GPC6: variants seen among roughly 807,000 people sequenced by gnomAD.
GPC6 encodes the protein glypican-6.
Under a neutral mutation model 55.2 loss-of-function variants are expected in GPC6, and 14 were observed. The observed-to-expected ratio is 0.25, with a 90% CI of 0.17 to 0.40. The LOEUF is 0.40. GPC6 is among the 10% of genes least tolerant of loss of function. The pLI is 1.00. For missense variants in GPC6, 641 were observed against 708.5 expected, an observed-to-expected ratio of 0.90 and a Z score of 1.08; for synonymous variants, 278 against 259.6, an observed-to-expected ratio of 1.07 and a Z score of -0.68.
At chr13:94,302,845 A>T (rs1353451187) in intron 5 of GPC6, among the ~76,000 whole-genome samples, 1 of 152,212 alleles carries the variant, frequency 6.6e-6, no homozygotes, top group Non-Finnish European at 1.5e-5. Flanking sequence ...ATCTTGGGCC[A>T]TGGGGTGAGT....
intron 4 of GPC6, among the ~76,000 whole-genome samples, chr13:94,193,618 G>A (rs567503873): frequency 8.5e-5 from 13 of 152,286 alleles, no homozygotes; most frequent in African/African-American, 3.1e-4. Flanking sequence ...TGCCAGAAGG[G>A]TTCGCAGTGT....
At chr13:93,671,480 C>T (rs1881353096) in intron 2 of GPC6, among the ~76,000 whole-genome samples, 1 of 152,042 alleles carries the variant, frequency 6.6e-6, no homozygotes, top group Non-Finnish European at 1.5e-5. Context: ...AAAAGCTGTT[C>T]TGTTGTATCT....
intron 2 of GPC6, among the ~76,000 whole-genome samples, chr13:93,593,569 G>C (rs1188013130): frequency 6.6e-6 from 1 of 152,038 alleles, no homozygotes; most frequent in Non-Finnish European, 1.5e-5. Flanking sequence ...TTTGATAAAA[G>C]TGCATGTGTA....
intron 1 of GPC6, among the ~76,000 whole-genome samples, chr13:93,415,278 A>G (rs2139250538): frequency 6.6e-6 from 1 of 152,256 alleles, no homozygotes; most frequent in Admixed American, 6.5e-5. Context: ...ACATAAATAT[A>G]TATCCTATTC....
intron 4 of GPC6, among the ~76,000 whole-genome samples, chr13:94,167,597 A>G (rs558635211): frequency 1.6e-4 from 24 of 152,322 alleles, no homozygotes; most frequent in African/African-American, 4.1e-4. Context: ...AAAAGAGTGT[A>G]TGGAAGGAGA....
chr13:94,253,949 C>T (rs1337476763), intron 4 of GPC6, among the ~76,000 whole-genome samples: 2 of 152,076 alleles, frequency 1.3e-5, no homozygotes, highest in African/African-American at 4.8e-5. Context: ...AGGTTGGTAG[C>T]ACACAGATTG....
chr13:93,504,280 A>G (rs904695316), intron 1 of GPC6, among the ~76,000 whole-genome samples: 2 of 152,148 alleles, frequency 1.3e-5, no homozygotes, highest in African/African-American at 4.8e-5. Context: ...AGTTATTAGA[A>G]TTAGCAAATA....
At chr13:93,320,540 G>A (rs1879400859) in intron 1 of GPC6, among the ~76,000 whole-genome samples, 1 of 151,730 alleles carries the variant, frequency 6.6e-6, no homozygotes, top group Non-Finnish European at 1.5e-5. Context: ...TTAAGTATAT[G>A]GACTAAGTGG....
intron 2 of GPC6, among the ~76,000 whole-genome samples, chr13:93,702,587 C>G (rs1211732233): frequency 6.6e-6 from 1 of 152,004 alleles, no homozygotes; most frequent in African/African-American, 2.4e-5. Flanking sequence ...GATGGCATCT[C>G]TTTCTACAAG....
At chr13:93,512,056 A>G (rs1464996510) in intron 1 of GPC6, among the ~76,000 whole-genome samples, 1 of 152,088 alleles carries the variant, frequency 6.6e-6, no homozygotes, top group Non-Finnish European at 1.5e-5. Flanking sequence ...TACTGAATTC[A>G]TTTATCAAAT....
intron 3 of GPC6, among the ~76,000 whole-genome samples, chr13:93,953,870 G>A (rs902474295): frequency 2.6e-5 from 4 of 152,066 alleles, no homozygotes; most frequent in South Asian, 2.1e-4. Flanking sequence ...TTCAAAAATG[G>A]ACTGATATAG....
At chr13:94,183,319 G>C (rs1889059302) in intron 4 of GPC6, among the ~76,000 whole-genome samples, 1 of 152,100 alleles carries the variant, frequency 6.6e-6, no homozygotes, top group Non-Finnish European at 1.5e-5. Flanking sequence ...TTGTCCTTTT[G>C]TGTCATGCTT....
chr13:93,429,763 G>T (rs1877286213), intron 1 of GPC6, among the ~76,000 whole-genome samples: 1 of 152,022 alleles, frequency 6.6e-6, no homozygotes, highest in Non-Finnish European at 1.5e-5. Flanking sequence ...GTTGGGCTAG[G>T]TGATACATGT....
chr13:93,448,737 C>A (rs985208376), intron 1 of GPC6, among the ~76,000 whole-genome samples: 2 of 152,236 alleles, frequency 1.3e-5, no homozygotes, highest in Admixed American at 1.3e-4. Flanking sequence ...ATATATGAAA[C>A]AGTGTTTTTA....
chr13:93,489,557 T>G (rs61964220), intron 1 of GPC6, among the ~76,000 whole-genome samples: 43,513 of 151,026 alleles, frequency 0.29, 6,770 homozygotes, highest in East Asian at 0.5. Context: ...TAAATTACCT[T>G]GGGCAGTATG....
intron 2 of GPC6, among the ~76,000 whole-genome samples, chr13:93,656,806 A>G (rs1447884876): frequency 1.3e-5 from 2 of 152,142 alleles, no homozygotes; most frequent in African/African-American, 4.8e-5. Context: ...CTATACACCA[A>G]TAACATCCAA....
chr13:93,348,083 A>G (rs915340888), intron 1 of GPC6, among the ~76,000 whole-genome samples: 1 of 152,164 alleles, frequency 6.6e-6, no homozygotes, highest in Non-Finnish European at 1.5e-5. Flanking sequence ...ATGTTTTTTA[A>G]TATACCATAG....
At chr13:93,757,528 A>T (rs1884815981) in intron 2 of GPC6, among the ~76,000 whole-genome samples, 1 of 152,216 alleles carries the variant, frequency 6.6e-6, no homozygotes, top group African/African-American at 2.4e-5. Flanking sequence ...TTGTTCAGCC[A>T]CAGAGGATTA....
chr13:93,938,378 TA>T (rs1878549096), intron 3 of GPC6, among the ~76,000 whole-genome samples: 1 of 152,208 alleles, frequency 6.6e-6, no homozygotes, highest in Admixed American at 6.5e-5. Flanking sequence ...TCTTAATTTG[TA>T]GAATTAAGGC....
Sources: gnomAD v4.1 joint callset for allele counts (sites outside exome capture counted in the v4.1 genomes callset) on GRCh38, gnomAD v4.1.1 for gene constraint, MANE v1.5 for transcripts, NCBI Gene and HGNC (gene_info 2026-07-23, HGNC 2026-07-21) for gene names.